The following DDX10 variants were observed in gnomAD, a reference collection of about 807,000 sequenced individuals.
DDX10 encodes probable ATP-dependent RNA helicase DDX10.
In DDX10, 74 loss-of-function variants were observed where a neutral mutation model predicts 104.3. The observed-to-expected ratio is 0.71, with a 90% CI of 0.59 to 0.86. The LOEUF is 0.86. Ranked by LOEUF, DDX10 falls within the 40% of genes least tolerant of loss-of-function variation. DDX10 has a pLI of 0.00. For synonymous variants in DDX10, 351 were observed against 353.4 expected, an observed-to-expected ratio of 0.99 and a Z score of 0.08; for missense variants, 952 against 1,040.0, an observed-to-expected ratio of 0.92 and a Z score of 1.16.
At chr11:108,800,442 CAAAAA>C (rs61200843) in intron 13 of DDX10, among the ~76,000 whole-genome samples, 10 of 94,412 alleles carry the variant, frequency 1.1e-4, no homozygotes, top group South Asian at 4.5e-4. Context: ...GAGACTCTTT[CAAAAA>C]AAAAAAAAAA....
intron 16 of DDX10, among the ~76,000 whole-genome samples, chr11:108,855,865 T>G (rs1430866428): frequency 6.6e-6 from 1 of 152,220 alleles, no homozygotes; most frequent in African/African-American, 2.4e-5. Context: ...AGTTAAAAGT[T>G]GCTTTGACTA....
At chr11:108,675,995 G>A (rs1485144996) in intron 3 of DDX10, among the ~76,000 whole-genome samples, 1 of 152,198 alleles carries the variant, frequency 6.6e-6, no homozygotes, top group Non-Finnish European at 1.5e-5. Context: ...ATTCTTGATG[G>A]AAGTGGAGTG....
intron 13 of DDX10, among the ~76,000 whole-genome samples, chr11:108,828,426 C>G (rs192571359): frequency 6.6e-6 from 1 of 152,276 alleles, no homozygotes; most frequent in Non-Finnish European, 1.5e-5. Context: ...TACTGACTTA[C>G]TTTACTTAGA....
intron 3 of DDX10, 132 bp downstream of exon 3, chr11:108,675,858 C>G: frequency 8.8e-7 from 1 of 1,139,180 alleles, no homozygotes; most frequent in African/African-American, 1.5e-5. Context: ...CGAGCTTCAT[C>G]AAACAGGAGC....
At chr11:108,845,249 TCTTTA>T (rs1248741630) in intron 15 of DDX10, among the ~76,000 whole-genome samples, 2 of 151,890 alleles carry the variant, frequency 1.3e-5, no homozygotes, top group East Asian at 1.9e-4. Context: ...AAGACTTTCT[TCTTTA>T]CTTATTTCCA....
At chr11:108,729,638 C>T (rs2094309626) in intron 13 of DDX10, among the ~76,000 whole-genome samples, 1 of 151,212 alleles carries the variant, frequency 6.6e-6, no homozygotes, top group South Asian at 2.1e-4. Flanking sequence ...CTACTTTGTA[C>T]TTAATAACTC....
intron 13 of DDX10, among the ~76,000 whole-genome samples, chr11:108,804,844 C>T (rs965878930): frequency 2.0e-5 from 3 of 152,194 alleles, no homozygotes; most frequent in African/African-American, 7.2e-5. Flanking sequence ...TGTTGAAGCC[C>T]TAATCTTCAA....
chr11:108,782,712 T>C (rs1861723316), intron 13 of DDX10, among the ~76,000 whole-genome samples: 1 of 152,116 alleles, frequency 6.6e-6, no homozygotes, highest in Non-Finnish European at 1.5e-5. Context: ...GTCTACCAAA[T>C]GACTAACCAG....
intron 16 of DDX10, among the ~76,000 whole-genome samples, chr11:108,899,169 T>C (rs1324707497): frequency 2.0e-5 from 3 of 152,216 alleles, no homozygotes; most frequent in African/African-American, 7.2e-5. Flanking sequence ...ATAAATGCAC[T>C]GGTCTATATC....
In DDX10 at chr11:108,940,646, C is replaced by T. The variant is rs531845433; in HGVS notation, c.*223C>T. 36 of 392,584 alleles carry T rather than the reference C, an allele frequency of 9.2e-5. No individual in the cohort carries two copies. In the South Asian group the frequency reaches 2.2e-3, roughly 24 times the overall value. The allele number at this position is 392,584 out of a possible 1,614,324, so 24.3% of individuals were successfully genotyped here. A position where few individuals can be genotyped will look rare whatever the true frequency, so the allele number is the denominator to read the frequency against. On this transcript the variant is annotated 3_prime_UTR_variant, in exon 18 of 18. Coordinates refer to ENST00000322536, the MANE Select transcript of DDX10 (RefSeq NM_004398.4). ...AGGGTGGATGATACCATTTCCTGAC[C>T]CCGTTTTCCAGCATGTGTTCTGTTA...
At chr11:108,785,432 T>A (rs1861777827) in intron 13 of DDX10, among the ~76,000 whole-genome samples, 1 of 152,096 alleles carries the variant, frequency 6.6e-6, no homozygotes, top group South Asian at 2.1e-4. Context: ...TCTGCTAGAT[T>A]TTGGTATCAA....
intron 16 of DDX10, among the ~76,000 whole-genome samples, chr11:108,866,096 A>G (rs1459856243): frequency 6.6e-6 from 1 of 152,196 alleles, no homozygotes; most frequent in Non-Finnish European, 1.5e-5. Context: ...ATTTTAGTAT[A>G]GAAGGTTGCA....
At chr11:108,756,711 A>C (rs1048004197) in intron 13 of DDX10, among the ~76,000 whole-genome samples, 2 of 152,052 alleles carry the variant, frequency 1.3e-5, no homozygotes, top group African/African-American at 4.8e-5. Context: ...CCTTCATTGC[A>C]GCCTCACTAA....
At chr11:108,862,294 G>C (rs1862952462) in intron 16 of DDX10, among the ~76,000 whole-genome samples, 1 of 152,152 alleles carries the variant, frequency 6.6e-6, no homozygotes, top group Admixed American at 6.5e-5. Flanking sequence ...AATGTGCTGG[G>C]ATTACAGGCA....
chr11:108,746,919 G>A (rs988959561), intron 13 of DDX10, among the ~76,000 whole-genome samples: 1 of 152,092 alleles, frequency 6.6e-6, no homozygotes, highest in Non-Finnish European at 1.5e-5. Flanking sequence ...GGAAGGTAAC[G>A]CAAGGGGCTA....
At chr11:108,910,336 T>C (rs1324914924) in intron 16 of DDX10, among the ~76,000 whole-genome samples, 2 of 152,238 alleles carry the variant, frequency 1.3e-5, no homozygotes, top group Non-Finnish European at 2.9e-5. Flanking sequence ...AATCACAGTT[T>C]TGTAATTTCA....
intron 13 of DDX10, among the ~76,000 whole-genome samples, chr11:108,769,210 C>T (rs1364326285): frequency 6.6e-5 from 10 of 151,270 alleles, no homozygotes; most frequent in Admixed American, 5.9e-4. Context: ...TTTCCCTTCA[C>T]GACTTCAACT....
intron 9 of DDX10, among the ~76,000 whole-genome samples, chr11:108,697,678 A>G (rs1330415603): frequency 2.0e-5 from 3 of 152,226 alleles, no homozygotes; most frequent in Non-Finnish European, 2.9e-5. Flanking sequence ...GAGGCCAGGT[A>G]TATGAATATA....
chr11:108,705,782 A>C (rs550799462), intron 9 of DDX10, among the ~76,000 whole-genome samples: 1 of 152,142 alleles, frequency 6.6e-6, no homozygotes, highest in Non-Finnish European at 1.5e-5. Flanking sequence ...TACTGCTTGT[A>C]TGTAATGGCT....
Sources: gnomAD v4.1 joint callset for allele counts (sites outside exome capture counted in the v4.1 genomes callset) on GRCh38, gnomAD v4.1.1 for gene constraint, MANE v1.5 for transcripts, NCBI Gene and HGNC (gene_info 2026-07-23, HGNC 2026-07-21) for gene names.